Variants in DNAJC3 observed in about 807,000 individuals in gnomAD.
The protein encoded by DNAJC3 is DnaJ heat shock protein family (Hsp40) member C3, also known as dnaJ homolog subfamily C member 3.
A neutral mutation model predicts 68.6 loss-of-function variants in DNAJC3; 38 were observed. That is an observed-to-expected ratio of 0.55 (90% CI 0.43 to 0.73). The LOEUF (loss-of-function observed/expected upper bound fraction) is 0.73. Among genes scored for constraint, DNAJC3 ranks in the 30% least tolerant of loss-of-function variants. DNAJC3 has a pLI of 0.00. For missense variants in DNAJC3, 526 were observed against 591.9 expected, an observed-to-expected ratio of 0.89 and a Z score of 1.16; for synonymous variants, 203 against 204.0, an observed-to-expected ratio of 1.00 and a Z score of 0.04.
chr13:95,794,215 T>TA lies in DNAJC3; in HGVS notation c.*3191dup, dbSNP rs1465368611. On this transcript the variant is annotated 3_prime_UTR_variant, in exon 12 of 12. Coordinates refer to ENST00000602402, the MANE Select transcript of DNAJC3 (RefSeq NM_006260.5). The stretch of plus-strand genomic sequence containing the variant: ...CAGTTTAAGAGAAAACATAACTTGG[T>TA]AAAAAAGGTAGCCAATAAAACCACA... 1.3e-5 allele frequency: 2 copies of TA among 152,202 alleles called. No individual in the cohort carries two copies. Among genetic ancestry groups the TA allele is most frequent in the Non-Finnish European group, 2.9e-5 (2 of 68,036 alleles). 9.4% of individuals were successfully genotyped at this position (152,202 alleles called of 1,614,324 possible).
At chr13:95,679,528 C>T (rs756339600) in intron 1 of DNAJC3, among the ~76,000 whole-genome samples, 10 of 152,210 alleles carry the variant, frequency 6.6e-5, no homozygotes, top group Middle Eastern at 3.4e-3. Flanking sequence ...ATTAGCAAAC[C>T]GTTAGCCCCT....
chr13:95,684,972 T>C (rs1230671870), intron 1 of DNAJC3, among the ~76,000 whole-genome samples: 6 of 152,220 alleles, frequency 3.9e-5, no homozygotes, highest in Non-Finnish European at 7.3e-5. Flanking sequence ...AGAGCCCTCA[T>C]GGAAAAATCT....
intron 9 of DNAJC3, among the ~76,000 whole-genome samples, chr13:95,773,731 C>CTT (rs143145399): frequency 0.022 from 1,552 of 71,364 alleles, 2 homozygotes; most frequent in Non-Finnish European, 0.026. Context: ...TTTTGTTGGT[C>CTT]TTTTTTTTTT....
chr13:95,770,406 TA>T (rs1258695696), intron 9 of DNAJC3, among the ~76,000 whole-genome samples: 2 of 152,206 alleles, frequency 1.3e-5, no homozygotes, highest in African/African-American at 2.4e-5. Context: ...TACAGCACAA[TA>T]TTTAAAATCT....
intron 11 of DNAJC3, among the ~76,000 whole-genome samples, chr13:95,790,005 G>A (rs747542675): frequency 5.9e-5 from 9 of 151,980 alleles, no homozygotes; most frequent in Non-Finnish European, 1.2e-4. Context: ...GTTCTTTGTA[G>A]ACCTTTGTCA....
intron 2 of DNAJC3, among the ~76,000 whole-genome samples, chr13:95,710,204 G>C (rs1880911078): frequency 6.6e-6 from 1 of 150,892 alleles, no homozygotes; most frequent in South Asian, 2.1e-4. Flanking sequence ...CTTAGTGAAG[G>C]CTTAATGGAT....
chr13:95,692,088 G>T (rs1249720017), intron 1 of DNAJC3, among the ~76,000 whole-genome samples: 3 of 147,102 alleles, frequency 2.0e-5, no homozygotes, highest in Non-Finnish European at 4.4e-5. Context: ...GGGAGAGGGA[G>T]ACCGTGGAAA....
intron 2 of DNAJC3, among the ~76,000 whole-genome samples, chr13:95,709,874 C>T (rs17878882): frequency 0.013 from 2,030 of 152,158 alleles, 44 homozygotes; most frequent in African/African-American, 0.047. Context: ...CTCCTGACCT[C>T]GTGATCCGCC....
intron 1 of DNAJC3, among the ~76,000 whole-genome samples, chr13:95,701,169 T>TA (rs2139617134): frequency 6.6e-6 from 1 of 152,310 alleles, no homozygotes; most frequent in African/African-American, 2.4e-5. Context: ...TGATGGGAGA[T>TA]ATTTGGTATC....
At chr13:95,764,781 G>C (rs1882944769) in intron 9 of DNAJC3, among the ~76,000 whole-genome samples, 1 of 139,606 alleles carries the variant, frequency 7.2e-6, no homozygotes, top group African/African-American at 2.7e-5. Context: ...ATAGTTTTGT[G>C]CCTTTTTTCA....
At chr13:95,740,582 T>C (rs1383829392) in intron 4 of DNAJC3, among the ~76,000 whole-genome samples, 35 of 147,724 alleles carry the variant, frequency 2.4e-4, no homozygotes, top group African/African-American at 7.4e-4. Flanking sequence ...TTCCAGGTGC[T>C]GTCCGTCACC....
At chr13:95,686,267 C>T (rs1327090760) in intron 1 of DNAJC3, among the ~76,000 whole-genome samples, 2 of 152,154 alleles carry the variant, frequency 1.3e-5, no homozygotes, top group Admixed American at 6.5e-5. Flanking sequence ...GGCCCTTTGC[C>T]CACTTTTTAA....
chr13:95,683,790 C>T (rs1879991191), intron 1 of DNAJC3, among the ~76,000 whole-genome samples: 2 of 151,612 alleles, frequency 1.3e-5, no homozygotes, highest in Non-Finnish European at 2.9e-5. Context: ...AAAACTTAGC[C>T]TGTTGTGGAG....
intron 1 of DNAJC3, among the ~76,000 whole-genome samples, chr13:95,704,857 T>TTTTTTTTTTG (rs1880685876): frequency 7.1e-6 from 1 of 140,034 alleles, no homozygotes; most frequent in African/African-American, 3.0e-5. Flanking sequence ...GTGTGTTTTT[T>TTTTTTTTTTG]TTTTTTTTTT....
In DNAJC3 at chr13:95,776,102, G is replaced by A. The variant is rs554250241; in HGVS notation, c.1076-9837G>A. 6.6e-5 allele frequency among the ~76,000 whole-genome samples: 10 copies of A among 151,772 alleles called. No homozygotes were observed. In the South Asian group the frequency reaches 1.5e-3, roughly 22 times the overall value. On this transcript the variant is annotated intron_variant, in intron 9 of 11. Transcript: ENST00000602402. ...CTTTTGCCCCAGAACTCCTTTCACT[G>A]CCTTTCTGGGTTTTTCTGTCTTCTT...
At chr13:95,716,640 T>G (rs947069272) in intron 2 of DNAJC3, among the ~76,000 whole-genome samples, 7 of 152,058 alleles carry the variant, frequency 4.6e-5, no homozygotes, top group Non-Finnish European at 1.0e-4. Context: ...AGTGGTAAGG[T>G]GGTCTTCCTC....
chr13:95,741,560 T>G (rs1882145175), intron 4 of DNAJC3, among the ~76,000 whole-genome samples: 1 of 152,130 alleles, frequency 6.6e-6, no homozygotes, highest in African/African-American at 2.4e-5. Context: ...GTGGCCTACT[T>G]TGGTACGGGA....
At position 95,763,751 on chromosome 13, in the gene DNAJC3, A is replaced by T. The variant is rs1463619786; in HGVS notation, c.954+3A>T. ...GGATTTGCCACTGCTTTTCTAAGGT[A>T]ACAGTTGACTTGTTCCCAGAAATGT... On this transcript the variant is annotated splice_donor_region_variant and intron_variant, in intron 8 of 11. Coordinates refer to ENST00000602402, the MANE Select transcript of DNAJC3 (RefSeq NM_006260.5). 6.2e-7 allele frequency: 1 copy of T among 1,613,984 alleles called. No individual in the cohort carries two copies. The highest frequency in any genetic ancestry group is 1.7e-5 in the Admixed American group (1 of 60,026).
intron 9 of DNAJC3, among the ~76,000 whole-genome samples, chr13:95,775,697 A>G (rs894878866): frequency 1.3e-5 from 2 of 152,218 alleles, no homozygotes; most frequent in African/African-American, 2.4e-5. Context: ...CATTTAGTAG[A>G]TTAATGTATT....
Sources: allele counts gnomAD v4.1 joint callset (sites outside exome capture counted in the v4.1 genomes callset), GRCh38; gene constraint gnomAD v4.1.1; transcripts MANE v1.5; gene names NCBI Gene and HGNC (gene_info 2026-07-23, HGNC 2026-07-21).